Variants in ANO2 observed in about 807,000 individuals in gnomAD.
ANO2 encodes the protein anoctamin 2, also known as anoctamin-2.
In ANO2, 101 loss-of-function variants were observed where a neutral mutation model predicts 124.2. The observed-to-expected ratio is 0.81, with a 90% CI of 0.69 to 0.96. The LOEUF (loss-of-function observed/expected upper bound fraction) is 0.96, where lower values mean the gene tolerates loss of function less well. Among genes scored for constraint, ANO2 ranks in the 40% least tolerant of loss-of-function variants. ANO2 has a pLI of 0.00. For missense variants in ANO2, 1,293 were observed against 1,274.5 expected (o/e 1.01, Z -0.22); for synonymous variants, 486 against 482.5 (o/e 1.01, Z -0.09).
chr12:5,841,621 G>A (rs1954517569), intron 4 of ANO2, among the ~76,000 whole-genome samples: 1 of 152,110 alleles, frequency 6.6e-6, no homozygotes, highest in Non-Finnish European at 1.5e-5. Context: ...TCCCACCCTG[G>A]CTCCCCTTGG....
intron 10 of ANO2, among the ~76,000 whole-genome samples, chr12:5,786,237 AG>A (rs2137141589): frequency 6.6e-6 from 1 of 152,244 alleles, no homozygotes; most frequent in African/African-American, 2.4e-5. Flanking sequence ...GAAGAACCAT[AG>A]GAAGTTAGTC....
intron 14 of ANO2, among the ~76,000 whole-genome samples, chr12:5,672,268 T>A (rs1395983302): frequency 2.0e-4 from 31 of 152,118 alleles, no homozygotes. Context: ...ATATATCAAC[T>A]TTAAGGCCCT....
intron 15 of ANO2, among the ~76,000 whole-genome samples, chr12:5,647,271 G>A (rs532979888): frequency 6.6e-6 from 1 of 152,172 alleles, no homozygotes; most frequent in Non-Finnish European, 1.5e-5. Flanking sequence ...GACCGTCTGG[G>A]TCTTGCAGAA....
chr12:5,849,756 T>C (rs1275131946), intron 4 of ANO2, among the ~76,000 whole-genome samples: 2 of 152,088 alleles, frequency 1.3e-5, no homozygotes, highest in Non-Finnish European at 2.9e-5. Context: ...CGAGTTATGA[T>C]CCAAACCTCC....
At chr12:5,876,961 G>A (rs1282246259) in intron 3 of ANO2, among the ~76,000 whole-genome samples, 1 of 152,166 alleles carries the variant, frequency 6.6e-6, no homozygotes, top group Non-Finnish European at 1.5e-5. Context: ...ATGTATCCCA[G>A]AACTTAAAGT....
At chr12:5,690,586 T>C (rs1255460040) in intron 14 of ANO2, among the ~76,000 whole-genome samples, 2 of 152,248 alleles carry the variant, frequency 1.3e-5, no homozygotes, top group Non-Finnish European at 2.9e-5. Flanking sequence ...GGGCAAGAGT[T>C]CCAAAGAGTG....
chr12:5,907,373 T>C (rs1043414291), intron 3 of ANO2, among the ~76,000 whole-genome samples: 1 of 152,256 alleles, frequency 6.6e-6, no homozygotes, highest in African/African-American at 2.4e-5. Flanking sequence ...ATTAGGAATC[T>C]AGTAAGTAGT....
At chr12:5,740,467 A>G (rs1292147259) in intron 12 of ANO2, 1 of 158,942 alleles carries the variant, frequency 6.3e-6, no homozygotes, top group Non-Finnish European at 1.4e-5. Flanking sequence ...GCAATGTACA[A>G]AACACCATTC....
chr12:5,905,785 G>C (rs988658146), intron 3 of ANO2, among the ~76,000 whole-genome samples: 15 of 152,280 alleles, frequency 9.9e-5, no homozygotes, highest in African/African-American at 3.4e-4. Flanking sequence ...AGGGTGGAAA[G>C]ATACAAAAAA....
intron 1 of ANO2, among the ~76,000 whole-genome samples, chr12:5,929,842 T>G (rs1432249059): frequency 2.1e-5 from 3 of 146,330 alleles, no homozygotes; most frequent in Non-Finnish European, 4.5e-5. Context: ...TCCTTACTAG[T>G]CTACCTTCTT....
chr12:5,616,644 G>A (rs1218815547), intron 16 of ANO2, among the ~76,000 whole-genome samples: 2 of 152,158 alleles, frequency 1.3e-5, no homozygotes, highest in Non-Finnish European at 2.9e-5. Flanking sequence ...GTCCAGATGA[G>A]ACTAGTGTAT....
rs547016977 is a variant in ANO2 at position 5,709,344 on chromosome 12, C to T, written c.1545+23176G>A. Among the ~76,000 whole-genome samples, 3 of 152,354 alleles carry T rather than the reference C, an allele frequency of 2.0e-5. No individual in the cohort carries two copies. In the South Asian group the frequency reaches 6.2e-4, roughly 32 times the overall value. On this transcript the variant is annotated intron_variant, in intron 14 of 24. Transcript: ENST00000682330. ...GTTAGGAGCGGCCATTGCCTAAGTT[C>T]TGGGCTATGGAACACGAGATGTGCA...
At chr12:5,845,736 T>C (rs564708179) in intron 4 of ANO2, among the ~76,000 whole-genome samples, 1 of 152,234 alleles carries the variant, frequency 6.6e-6, no homozygotes, top group South Asian at 2.1e-4. Flanking sequence ...ACAGACATGA[T>C]TTTGAGTCCC....
At chr12:5,613,749 G>A in intron 17 of ANO2, among the ~76,000 whole-genome samples, 1 of 152,166 alleles carries the variant, frequency 6.6e-6, no homozygotes, top group Non-Finnish European at 1.5e-5. Flanking sequence ...TTACTGGATA[G>A]AATCACTTAC....
At chr12:5,590,300 G>C (rs182457209) in intron 20 of ANO2, among the ~76,000 whole-genome samples, 187 of 152,296 alleles carry the variant, frequency 1.2e-3, no homozygotes, top group Admixed American at 2.3e-3. Context: ...GTGGCCCAGG[G>C]AAGCCAGAAG....
intron 14 of ANO2, among the ~76,000 whole-genome samples, chr12:5,651,334 G>T (rs1207497309): frequency 2.6e-5 from 4 of 152,210 alleles, no homozygotes; most frequent in African/African-American, 9.6e-5. Flanking sequence ...GGCAATAGGT[G>T]AGAGTGCTAT....
At chr12:5,631,235 G>C (rs763170959) in intron 16 of ANO2, among the ~76,000 whole-genome samples, 12 of 152,210 alleles carry the variant, frequency 7.9e-5, no homozygotes, top group Non-Finnish European at 1.5e-4. Flanking sequence ...GTGTGGATAA[G>C]AGTCTCCAAG....
intron 14 of ANO2, among the ~76,000 whole-genome samples, chr12:5,722,401 G>A (rs565066721): frequency 7.2e-5 from 11 of 152,290 alleles, no homozygotes; most frequent in Admixed American, 5.9e-4. Flanking sequence ...CAGCTACTCA[G>A]GAGGCTGAGG....
chr12:5,622,946 G>A (rs992536154), intron 16 of ANO2, among the ~76,000 whole-genome samples: 1 of 143,282 alleles, frequency 7.0e-6, no homozygotes, highest in African/African-American at 2.6e-5. Flanking sequence ...CCTGGACAAC[G>A]ATGCAAGGCT....
Sources: allele counts gnomAD v4.1 joint callset (sites outside exome capture counted in the v4.1 genomes callset), GRCh38; gene constraint gnomAD v4.1.1; transcripts MANE v1.5; gene names NCBI Gene and HGNC (gene_info 2026-07-23, HGNC 2026-07-21).